The following ITGB8 variants were observed in gnomAD, a reference collection of about 807,000 sequenced individuals.
ITGB8 encodes the protein integrin beta-8.
Under a neutral mutation model 89.5 loss-of-function variants are expected in ITGB8, and 30 were observed. The observed-to-expected ratio is 0.34, with a 90% CI of 0.25 to 0.45. ITGB8 has a LOEUF of 0.45. Ranked by LOEUF, ITGB8 falls within the 20% of genes least tolerant of loss-of-function variation. ITGB8 has a pLI of 1.00. For missense variants in ITGB8, 836 were observed against 933.3 expected (o/e 0.90, Z 1.36); for synonymous variants, 335 against 320.4 (o/e 1.05, Z -0.49).
chr7:20,397,200 A>G (rs1351196984), intron 8 of ITGB8, among the ~76,000 whole-genome samples: 1 of 150,550 alleles, frequency 6.6e-6, no homozygotes, highest in Non-Finnish European at 1.5e-5. Flanking sequence ...ACATTGGCCT[A>G]ACTAGCTAAG....
chr7:20,377,156 A>G (rs1456869317), intron 3 of ITGB8, among the ~76,000 whole-genome samples: 2 of 152,046 alleles, frequency 1.3e-5, no homozygotes, highest in African/African-American at 4.8e-5. Context: ...GAGGTCACCA[A>G]CCTATACCTT....
chr7:20,379,019 GACT>G, intron 3 of ITGB8, 29 bp from the exon 4 acceptor site: 1 of 1,515,198 alleles, frequency 6.6e-7, no homozygotes, highest in South Asian at 1.3e-5. Context: ...TTAAAATGAA[GACT>G]ACATGATGTT....
Position 20,331,737 on chromosome 7 carries a change from C to G in ITGB8, c.-70C>G. 2 of 1,510,600 alleles carry G rather than the reference C, an allele frequency of 1.3e-6. No individual in the cohort carries two copies. Among genetic ancestry groups the G allele is most frequent in the Non-Finnish European group, 1.8e-6 (2 of 1,128,662 alleles). 93.6% of individuals were successfully genotyped at this position (1,510,600 alleles called of 1,614,324 possible). A position where few individuals can be genotyped will look rare whatever the true frequency, so the allele number is the denominator to read the frequency against. ...CACTCGGCCCGCGGGCCCCGAGGTG[C>G]GCCCGGGAGGCGCGAGCCCGCGTCC... On this transcript the variant is annotated 5_prime_UTR_variant, in exon 1 of 14. Coordinates refer to ENST00000222573, the MANE Select transcript of ITGB8 (RefSeq NM_002214.3).
intron 1 of ITGB8, among the ~76,000 whole-genome samples, chr7:20,356,278 A>C (rs1785290860): frequency 6.6e-6 from 1 of 152,258 alleles, no homozygotes; most frequent in Non-Finnish European, 1.5e-5. Flanking sequence ...GCAAGTGATT[A>C]GAATGCCAAT....
chr7:20,371,277 T>G (rs971309904), intron 3 of ITGB8, among the ~76,000 whole-genome samples: 2 of 152,174 alleles, frequency 1.3e-5, no homozygotes, highest in Non-Finnish European at 2.9e-5. Flanking sequence ...TATGATTACA[T>G]TTTTAAAAAT....
intron 2 of ITGB8, chr7:20,364,701 G>A (rs1785627795): frequency 6.6e-6 from 1 of 152,228 alleles, no homozygotes; most frequent in Admixed American, 6.5e-5. Context: ...GCATGTCATA[G>A]AGAGGACAAC....
intron 8 of ITGB8, among the ~76,000 whole-genome samples, chr7:20,398,024 A>C (rs545952910): frequency 2.8e-4 from 42 of 152,100 alleles, no homozygotes; most frequent in Non-Finnish European, 5.9e-4. Context: ...GTATGGAATA[A>C]AATGCACACA....
rs1386254900 is a variant in ITGB8, at chr7:20,397,224, CTTTCT to C, written c.1147-1632_1147-1628del. Among the ~76,000 whole-genome samples, 553 of 100,466 alleles carry C rather than the reference CTTTCT, an allele frequency of 5.5e-3. 2 individuals are homozygous for C. Among genetic ancestry groups the C allele is most frequent in the African/African-American group, 0.024 (519 of 21,532 alleles). The allele number at this position is 100,466 out of a possible 152,430, so 65.9% of individuals were successfully genotyped here. On this transcript the variant is annotated intron_variant, in intron 8 of 13. Transcript: ENST00000222573. ...TAACTAGCTAAGATCTTTTCCTTTT[CTTTCT>C]TTTTTTTTTTTTTTAGATGGAATTT...
rs200429634 is a variant in ITGB8 at position 20,331,962 on chromosome 7, T to C, written c.127+29T>C. ...AGTTGTTTTGTTTTGTTTTGTTTTC[T>C]TCTCTTCCCCAAAGGTCTTGGGCTG... On this transcript the variant is annotated intron_variant, in intron 1 of 13. Transcript: ENST00000222573. The C allele has an allele frequency of 5.5e-5, 88 of 1,610,624 alleles. No homozygotes were observed. In the African/African-American group the frequency reaches 8.7e-4, roughly 16 times the overall value.
intron 9 of ITGB8, among the ~76,000 whole-genome samples, chr7:20,399,464 A>C (rs1207736543): frequency 6.6e-6 from 1 of 152,076 alleles, no homozygotes; most frequent in East Asian, 1.9e-4. Flanking sequence ...AAAATCTTTC[A>C]CTTTGTGATT....
chr7:20,376,072 C>T (rs1786130739), intron 3 of ITGB8, among the ~76,000 whole-genome samples: 1 of 152,138 alleles, frequency 6.6e-6, no homozygotes, highest in Admixed American at 6.5e-5. Context: ...CTTCCTTCCC[C>T]TCCCTAACAT....
chr7:20,355,333 C>T (rs879450044), intron 1 of ITGB8, among the ~76,000 whole-genome samples: 1 of 152,202 alleles, frequency 6.6e-6, no homozygotes, highest in Admixed American at 6.5e-5. Context: ...TGCTGCCATG[C>T]CTCACTGCCT....
chr7:20,401,713 A>G lies in ITGB8; in HGVS notation c.1282-8A>G, dbSNP rs769774642. ...ATAAATATATTTCCTTTTTCCTCCT[A>G]AATTTAGGTTCTTTTCAATGTAACA... is the stretch of plus-strand genomic sequence containing the variant. On this transcript the variant is annotated splice_region_variant and splice_polypyrimidine_tract_variant and intron_variant, in intron 9 of 13. Transcript: ENST00000222573. 6.6e-7 allele frequency: 1 copy of G among 1,505,308 alleles called. No individual in the cohort carries two copies. The highest frequency in any genetic ancestry group is 8.9e-7 in the Non-Finnish European group (1 of 1,126,832). The allele number at this position is 1,505,308 out of a possible 1,614,324, so 93.2% of individuals were successfully genotyped here. A position where few individuals can be genotyped will look rare whatever the true frequency, so the allele number is the denominator to read the frequency against.
upstream of ITGB8, chr7:20,330,797 G>C (rs1321251079): frequency 6.6e-6 from 1 of 152,190 alleles, no homozygotes; most frequent in Non-Finnish European, 1.5e-5. Context: ...GAGTGCACCC[G>C]GCTACCCGCA....
intron 1 of ITGB8, among the ~76,000 whole-genome samples, chr7:20,361,693 T>C (rs1187790033): frequency 1.3e-5 from 2 of 152,192 alleles, no homozygotes; most frequent in Non-Finnish European, 2.9e-5. Flanking sequence ...TACACCTAAA[T>C]TGGTTTTCTT....
intron 1 of ITGB8, among the ~76,000 whole-genome samples, chr7:20,333,648 G>A (rs1431246393): frequency 2.6e-5 from 4 of 152,122 alleles, no homozygotes; most frequent in Non-Finnish European, 5.9e-5. Flanking sequence ...TTTCTACCCA[G>A]TGTCTAAAAC....
At position 20,379,174 on chromosome 7, in the gene ITGB8, A is replaced by G; in HGVS notation, c.512A>G (p.Asn171Ser). ...NNIEKLNSVG[N>S]DLSRKMAFFS... ...ATAGAAAAATTAAATTCCGTTGGAA[A>G]CGATTTATCTAGAAAAATGGCATTT... The change falls in exon 4 of 14, where the codon AAC becomes AGC. Residue 171 changes from asparagine (N) to serine (S), a missense_variant. Physicochemically the swap from Asn to Ser is conservative, Grantham distance 46. Transcript: ENST00000222573. 1.9e-6 allele frequency: 3 copies of G among 1,612,536 alleles called. No individual in the cohort carries two copies. Among genetic ancestry groups the G allele is most frequent in the Non-Finnish European group, 2.5e-6 (3 of 1,179,200 alleles).
At chr7:20,333,501 C>G (rs969362892) in intron 1 of ITGB8, among the ~76,000 whole-genome samples, 10 of 152,190 alleles carry the variant, frequency 6.6e-5, no homozygotes, top group Non-Finnish European at 1.2e-4. Context: ...TGTGTTAACA[C>G]AGTATATTTT....
intron 1 of ITGB8, among the ~76,000 whole-genome samples, chr7:20,337,118 G>C (rs894412600): frequency 4.6e-5 from 7 of 152,040 alleles, no homozygotes; most frequent in Admixed American, 3.9e-4. Context: ...AGTCTGTCTT[G>C]TTTTCAAACT....
Sources: gnomAD v4.1 joint callset for allele counts (sites outside exome capture counted in the v4.1 genomes callset) on GRCh38, gnomAD v4.1.1 for gene constraint, MANE v1.5 for transcripts, NCBI Gene and HGNC (gene_info 2026-07-23, HGNC 2026-07-21) for gene names.